Variants in ANKRD30BL observed in about 807,000 individuals in gnomAD.
ANKRD30BL encodes putative ankyrin repeat domain-containing protein 30B-like.
Under a neutral mutation model 18.4 loss-of-function variants are expected in ANKRD30BL, and 20 were observed. The observed-to-expected ratio is 1.09, with a 90% CI of 0.77 to 1.58. The LOEUF is 1.58. Among genes scored for constraint, ANKRD30BL ranks in the 40% most tolerant of loss-of-function variants. ANKRD30BL has a pLI of 0.00. For missense variants in ANKRD30BL, 224 were observed against 268.6 expected, an observed-to-expected ratio of 0.83 and a Z score of 1.16; for synonymous variants, 72 against 100.9, an observed-to-expected ratio of 0.71 and a Z score of 1.72.
chr2:132,225,644 C>T (rs952463532), intron 1 of ANKRD30BL, among the ~76,000 whole-genome samples: 11 of 151,756 alleles, frequency 7.2e-5, no homozygotes, highest in Non-Finnish European at 1.5e-4. Context: ...TTGAGGCATT[C>T]GTTGGAAATG....
intron 1 of ANKRD30BL, among the ~76,000 whole-genome samples, chr2:132,240,222 A>C (rs569283390): frequency 1.3e-5 from 2 of 151,910 alleles, no homozygotes; most frequent in African/African-American, 2.4e-5. Context: ...ACAGAGTTAC[A>C]CCTTTCCTTA....
At chr2:132,160,970 C>T (rs558297249) in intron 1 of ANKRD30BL, among the ~76,000 whole-genome samples, 5 of 148,168 alleles carry the variant, frequency 3.4e-5, no homozygotes, top group Non-Finnish European at 7.4e-5. Context: ...CTCAAAGTTA[C>T]CTTCTAAGGT....
At position 132,253,512 on chromosome 2, in the gene ANKRD30BL, G is replaced by A. The variant is rs538416063; in HGVS notation, n.441+4017C>T. Among the ~76,000 whole-genome samples the A allele has an allele frequency of 2.0e-5, 3 of 152,252 alleles. No individual in the cohort carries two copies. The South Asian group carries it at 6.2e-4, about 32-fold the overall frequency. ...GACACCACCCCATGGGAGCCCAGGG[G>A]TTCCCGCCCCCACAGAGCGGGGTAC... is the stretch of plus-strand genomic sequence containing the variant. On this transcript the variant is annotated intron_variant and non_coding_transcript_variant, in intron 1 of 4. Coordinates refer to the ANKRD30BL transcript ENST00000470729.
Position 132,191,008 on chromosome 2 carries a change from C to T in ANKRD30BL, n.442-33862G>A, listed in dbSNP as rs377686070. ...TACTTTCAATACAATAAAATACATCCAAATTAAGTACAAACATATAAAGTT... is the reference window on the plus strand; with the variant it reads ...TACTTTCAATACAATAAAATACATCTAAATTAAGTACAAACATATAAAGTT... On this transcript the variant is annotated intron_variant and non_coding_transcript_variant, in intron 1 of 4. Transcript: ENST00000470729. Among the ~76,000 whole-genome samples, 5 of 152,010 alleles carry T rather than the reference C, an allele frequency of 3.3e-5. No homozygotes were observed. In the East Asian group the frequency reaches 9.7e-4, roughly 29 times the overall value.
intron 1 of ANKRD30BL, among the ~76,000 whole-genome samples, chr2:132,191,902 T>TGGCTAATTTTTTTGTATATTTTA (rs1678859546): frequency 6.6e-6 from 1 of 151,946 alleles, no homozygotes; most frequent in Non-Finnish European, 1.5e-5. Context: ...CCACCACGCC[T>TGGCTAATTTTTTTGTATATTTTA]GGCTAATTTT....
chr2:132,236,840 G>A lies in ANKRD30BL; in HGVS notation n.441+20689C>T, dbSNP rs1342968461. Among the ~76,000 whole-genome samples the A allele has an allele frequency of 6.6e-5, 10 of 151,730 alleles. No homozygotes were observed. The South Asian group carries it at 1.3e-3, about 19-fold the overall frequency. On this transcript the variant is annotated intron_variant and non_coding_transcript_variant, in intron 1 of 4. Coordinates refer to the ANKRD30BL transcript ENST00000470729. ...CACATGCACACGTATGTTTATTGTG[G>A]CACTATTCACAATAGCAAAGACTTG...
At chr2:132,222,280 C>T (rs1229200556) in intron 1 of ANKRD30BL, among the ~76,000 whole-genome samples, 1 of 151,890 alleles carries the variant, frequency 6.6e-6, no homozygotes, top group Non-Finnish European at 1.5e-5. Flanking sequence ...GCCCGGCCGC[C>T]CCTACTGGGA....
chr2:132,181,921 G>T (rs974988021), intron 1 of ANKRD30BL, among the ~76,000 whole-genome samples: 1 of 151,984 alleles, frequency 6.6e-6, no homozygotes, highest in Non-Finnish European at 1.5e-5. Context: ...AGACCAGCCT[G>T]ACCAACATGG....
Position 132,147,961 on chromosome 2 carries a change from G to A in ANKRD30BL, c.*170C>T, listed in dbSNP as rs1220566621. ...GAAACTAGGGGCAAGGAGGCATAAC[G>A]AACGAGGAAGTTAAACTTTAAAACG... On this transcript the variant is annotated 3_prime_UTR_variant, in exon 6 of 6. Transcript: ENST00000409867. The A allele has an allele frequency of 1.7e-6, 1 of 600,122 alleles. No homozygotes were observed. Among genetic ancestry groups the A allele is most frequent in the Non-Finnish European group, 3.0e-6 (1 of 331,094 alleles). 37.2% of individuals were successfully genotyped at this position (600,122 alleles called of 1,614,324 possible). A position where few individuals can be genotyped will look rare whatever the true frequency, so the allele number is the denominator to read the frequency against.
At chr2:132,219,063 T>C (rs200405285) in intron 1 of ANKRD30BL, among the ~76,000 whole-genome samples, 25 of 136,670 alleles carry the variant, frequency 1.8e-4, no homozygotes, top group East Asian at 4.6e-4. Flanking sequence ...TTTGATAGAG[T>C]AGGTTGAAAC....
At chr2:132,227,471 T>G (rs754083972) in intron 1 of ANKRD30BL, among the ~76,000 whole-genome samples, 2 of 150,020 alleles carry the variant, frequency 1.3e-5, no homozygotes, top group Non-Finnish European at 3.0e-5. Flanking sequence ...ATAGAGTCGT[T>G]TTGAAACACT....
chr2:132,221,842 C>G (rs1679696181), intron 1 of ANKRD30BL, among the ~76,000 whole-genome samples: 1 of 124,448 alleles, frequency 8.0e-6, no homozygotes, highest in African/African-American at 3.8e-5. Context: ...CCCCGCCCGG[C>G]CAGCCGCCCC....
chr2:132,240,754 G>T (rs568184974), intron 1 of ANKRD30BL, among the ~76,000 whole-genome samples: 43 of 151,824 alleles, frequency 2.8e-4, no homozygotes, highest in African/African-American at 1.0e-3. Flanking sequence ...TCAGTTAGCA[G>T]ATTTGAAACC....
intron 1 of ANKRD30BL, among the ~76,000 whole-genome samples, chr2:132,193,725 T>C (rs1226285033): frequency 8.6e-5 from 13 of 151,854 alleles, no homozygotes; most frequent in Non-Finnish European, 1.5e-4. Flanking sequence ...GATCTTTATA[T>C]AGTAGTTCTT....
intron 1 of ANKRD30BL, among the ~76,000 whole-genome samples, chr2:132,232,576 A>C (rs1229049060): frequency 6.6e-6 from 1 of 152,188 alleles, no homozygotes; most frequent in Non-Finnish European, 1.5e-5. Flanking sequence ...ACTGGAAAAA[A>C]GGGTATCAGC....
At chr2:132,245,217 T>C (rs945935955) in intron 1 of ANKRD30BL, among the ~76,000 whole-genome samples, 1 of 152,298 alleles carries the variant, frequency 6.6e-6, no homozygotes, top group Non-Finnish European at 1.5e-5. Context: ...TTTTGTACAA[T>C]TTGCAAGCGG....
At chr2:132,256,756 C>T (rs1009600310) in intron 1 of ANKRD30BL, among the ~76,000 whole-genome samples, 4 of 152,362 alleles carry the variant, frequency 2.6e-5, no homozygotes, top group Admixed American at 6.5e-5. Flanking sequence ...GGCGCACGCC[C>T]GGGGACACGG....
At chr2:132,158,534 C>A (rs1186564895) in intron 1 of ANKRD30BL, among the ~76,000 whole-genome samples, 1 of 151,842 alleles carries the variant, frequency 6.6e-6, no homozygotes, top group Non-Finnish European at 1.5e-5. Context: ...AGTACTCCAA[C>A]TTTAAATCTC....
intron 1 of ANKRD30BL, among the ~76,000 whole-genome samples, chr2:132,196,478 G>A (rs1223251469): frequency 6.6e-6 from 1 of 151,936 alleles, no homozygotes; most frequent in Admixed American, 6.6e-5. Context: ...AAAGAACAAA[G>A]TAAAGATTGA....
Sources: gnomAD v4.1 joint callset for allele counts (sites outside exome capture counted in the v4.1 genomes callset) on GRCh38, gnomAD v4.1.1 for gene constraint, MANE v1.5 for transcripts, NCBI Gene and HGNC (gene_info 2026-07-23, HGNC 2026-07-21) for gene names.